ADCY3: variants seen among roughly 807,000 people sequenced by gnomAD.
ADCY3 encodes the protein adenylate cyclase type 3.
ADCY3 carries 70 observed loss-of-function variants against 119.4 expected under a neutral mutation model. The ratio of observed to expected loss-of-function variants is 0.59; its 90% CI spans 0.48 to 0.72. The LOEUF is 0.72. Among genes scored for constraint, ADCY3 ranks in the 30% least tolerant of loss-of-function variants. The probability of loss-of-function intolerance (pLI) is 0.00; values close to 1 mark genes in which losing one functional copy is unlikely to be tolerated. For missense variants in ADCY3, 1,238 were observed against 1,541.6 expected (o/e 0.80, Z 3.30); for synonymous variants, 672 against 621.4 (o/e 1.08, Z -1.21).
chr2:24,880,360 C>T (rs1676243714), intron 2 of ADCY3, among the ~76,000 whole-genome samples: 1 of 152,198 alleles, frequency 6.6e-6, no homozygotes, highest in Admixed American at 6.5e-5. Context: ...GGCCTTGGCC[C>T]CAGGCTCTAC....
chr2:24,831,564 A>C, intron 12 of ADCY3, 98 bp downstream of exon 12: 1 of 961,242 alleles, frequency 1.0e-6, no homozygotes, highest in Non-Finnish European at 1.6e-6. Flanking sequence ...TCTGCCTGTC[A>C]GATTTGACAG....
At chr2:24,827,637 C>T in intron 14 of ADCY3, 29 bp from the exon 15 acceptor site, 2 of 1,568,942 alleles carry the variant, frequency 1.3e-6, no homozygotes, top group Non-Finnish European at 1.7e-6. Flanking sequence ...CACAGTCAGG[C>T]CCCATCTGGG....
Position 24,842,544 on chromosome 2 carries a change from G to A in ADCY3, c.826-160C>T. 3.1e-6 allele frequency: 3 copies of A among 960,530 alleles called. No homozygotes were observed. The South Asian group carries it at 4.9e-5, about 16-fold the overall frequency. The allele number at this position is 960,530 out of a possible 1,614,324, so 59.5% of individuals were successfully genotyped here. A position where few individuals can be genotyped will look rare whatever the true frequency, so the allele number is the denominator to read the frequency against. ...ACAGATCTGCCTCGGGAGCAGCCAG[G>A]GGTCTGGGACAGGCAGCTTCTGGCC... is the stretch of plus-strand genomic sequence containing the variant. On this transcript the variant is annotated intron_variant, in intron 3 of 21. Coordinates refer to ENST00000679454, the MANE Select transcript of ADCY3 (RefSeq NM_004036.5). The surrounding 1 kb of genome is among the most constrained non-coding windows in gnomAD (Gnocchi z 4.9).
At chr2:24,853,351 G>A (rs1447159407) in intron 3 of ADCY3, among the ~76,000 whole-genome samples, 1 of 152,170 alleles carries the variant, frequency 6.6e-6, no homozygotes, top group Non-Finnish European at 1.5e-5. Context: ...GCAGCGCCCA[G>A]GGGGCAGGGG....
At chr2:24,867,572 G>C (rs1422849962) in intron 3 of ADCY3, among the ~76,000 whole-genome samples, 4 of 152,126 alleles carry the variant, frequency 2.6e-5, no homozygotes, top group African/African-American at 9.7e-5. Context: ...CCCAGTTTCA[G>C]GTATTCTGTT....
chr2:24,826,157 G>A (rs1668588787), intron 15 of ADCY3, 31 bp from the exon 16 acceptor site: 2 of 1,593,868 alleles, frequency 1.3e-6, no homozygotes, highest in Middle Eastern at 1.7e-4. Context: ...AACTGAAAGG[G>A]CTGTCATCTG....
intron 3 of ADCY3, among the ~76,000 whole-genome samples, chr2:24,870,666 C>A (rs1674880853): frequency 6.6e-6 from 1 of 152,310 alleles, no homozygotes; most frequent in African/African-American, 2.4e-5. Context: ...CCCTCAGGAG[C>A]CCTGGGGCAC....
intron 2 of ADCY3, among the ~76,000 whole-genome samples, chr2:24,885,635 C>A (rs1676940422): frequency 6.6e-6 from 1 of 152,200 alleles, no homozygotes; most frequent in Admixed American, 6.5e-5. Context: ...CTGGCTCACA[C>A]CCTTACTTCC....
chr2:24,884,601 G>C (rs868674109), intron 2 of ADCY3, among the ~76,000 whole-genome samples: 1 of 147,148 alleles, frequency 6.8e-6, no homozygotes, highest in Non-Finnish European at 1.5e-5. Flanking sequence ...TCAGCCTCCC[G>C]AGTATCTGGG....
intron 3 of ADCY3, among the ~76,000 whole-genome samples, chr2:24,845,286 C>T (rs964009072): frequency 1.3e-5 from 2 of 152,192 alleles, no homozygotes; most frequent in Admixed American, 6.5e-5. Flanking sequence ...CAGAAGAAGA[C>T]AGGAAACTGT....
Position 24,834,056 on chromosome 2 carries a change from G to C in ADCY3, c.1967+429C>G, listed in dbSNP as rs1350857407. Among the ~76,000 whole-genome samples the C allele has an allele frequency of 6.6e-5, 10 of 152,240 alleles. No individual in the cohort carries two copies. Among genetic ancestry groups the C allele is most frequent in the Admixed American group, 2.6e-4 (4 of 15,294 alleles). ...CCCTGGAGGACCTACTGCTGCGTTAGAGAGGGCGTCAGTCTGTGCCCACAG... is the reference window on the plus strand; with the variant it reads ...CCCTGGAGGACCTACTGCTGCGTTACAGAGGGCGTCAGTCTGTGCCCACAG... On this transcript the variant is annotated intron_variant, in intron 11 of 21. Transcript: ENST00000679454. The surrounding 1 kb of genome is among the most constrained non-coding windows in gnomAD (Gnocchi z 4.2).
Position 24,820,028 on chromosome 2 carries a change from C to T in ADCY3, c.3339G>A (p.Glu1113=). Residue 1113 remains glutamate, a synonymous_variant, in exon 22 of 22, where the codon GAG becomes GAA. Transcript: ENST00000679454. ...GCCCCTTCAAGAAGAAGGTCAGCAG[C>T]TCCCCCTTCCCCTTCACAAAGATGG... is the stretch of plus-strand genomic sequence containing the variant. ...RGPIFVKGKG[E]LLTFFLKGRD... The T allele has an allele frequency of 6.2e-7, 1 of 1,610,808 alleles. No individual in the cohort carries two copies. The highest frequency in any genetic ancestry group is 8.5e-7 in the Non-Finnish European group (1 of 1,178,544).
At chr2:24,832,070 G>GCAGGGGA (rs1323405531) in intron 11 of ADCY3, 5 of 40,074 alleles carry the variant, frequency 1.2e-4, no homozygotes, top group African/African-American at 2.7e-4. Context: ...GGGGCAGGGG[G>GCAGGGGA]CAGGGGACAG....
chr2:24,833,047 C>T (rs1669807125), intron 11 of ADCY3, among the ~76,000 whole-genome samples: 1 of 152,256 alleles, frequency 6.6e-6, no homozygotes, highest in Non-Finnish European at 1.5e-5. Context: ...ACCACTGATC[C>T]TCCTCTATCC....
chr2:24,912,796 G>A (rs951154623), intron 2 of ADCY3, among the ~76,000 whole-genome samples: 2 of 152,128 alleles, frequency 1.3e-5, no homozygotes, highest in Admixed American at 1.3e-4. Flanking sequence ...TGAAAGGTGG[G>A]GCCTAAATTG....
At chr2:24,829,945 C>T (rs1265489518) in intron 13 of ADCY3, among the ~76,000 whole-genome samples, 4 of 151,596 alleles carry the variant, frequency 2.6e-5, no homozygotes, top group Non-Finnish European at 5.9e-5. Context: ...ATTTGGCTGC[C>T]CCCTCAGGGA....
intron 2 of ADCY3, among the ~76,000 whole-genome samples, chr2:24,893,587 C>T (rs6736711): frequency 0.47 from 70,923 of 151,680 alleles, 19,568 homozygotes; most frequent in African/African-American, 0.78. Flanking sequence ...TTGTTATCCA[C>T]TGCACAATAC....
chr2:24,906,168 G>C (rs533435625), intron 2 of ADCY3, among the ~76,000 whole-genome samples: 1 of 152,056 alleles, frequency 6.6e-6, no homozygotes, highest in African/African-American at 2.4e-5. Flanking sequence ...CTAGCCAGTC[G>C]TGGTGGTGCA....
At position 24,841,343 on chromosome 2, in the gene ADCY3, T is replaced by C. The variant is rs766839416; in HGVS notation, c.1112A>G (p.Tyr371Cys). Residue 371 changes from tyrosine (Y) to cysteine (C), a missense_variant, in exon 6 of 22, where the codon TAC becomes TGC. Around this residue, in one of 7 missense-constraint regions of ADCY3, gnomAD observed 283 missense variants for 437.2 expected, o/e 0.65. Transcript: ENST00000679454. The surrounding 1 kb of genome is among the most constrained non-coding windows in gnomAD (Gnocchi z 5.8). ...GTAGTCGGGCAAGCCGCAGATGCAG[T>C]AGTAGCAGTCGCCCAGGATCTTAAT... ...LRIKILGDCY[Y>C]CICGLPDYRE... 1.2e-6 allele frequency: 2 copies of C among 1,603,666 alleles called. No individual in the cohort carries two copies. The highest frequency in any genetic ancestry group is 1.7e-6 in the Non-Finnish European group (2 of 1,175,550).
Sources: gnomAD v4.1 joint callset for allele counts (sites outside exome capture counted in the v4.1 genomes callset) on GRCh38, gnomAD v4.1.1 for gene constraint, gnomAD v4.1.1 regional missense constraint, Gnocchi (gnomAD v3.1) non-coding constraint, MANE v1.5 for transcripts, NCBI Gene and HGNC (gene_info 2026-07-23, HGNC 2026-07-21) for gene names.